THSD7B: variants seen among roughly 807,000 people sequenced by gnomAD.
The protein encoded by THSD7B is thrombospondin type-1 domain-containing protein 7B.
THSD7B carries 138 observed loss-of-function variants against 213.6 expected under a neutral mutation model. The observed-to-expected ratio is 0.65, with a 90% CI of 0.56 to 0.74. The LOEUF is 0.74. THSD7B is among the 30% of genes least tolerant of loss of function. The pLI is 0.00. For synonymous variants in THSD7B, 742 were observed against 687.0 expected, an observed-to-expected ratio of 1.08 and a Z score of -1.25; for missense variants, 1,931 against 1,991.5, an observed-to-expected ratio of 0.97 and a Z score of 0.58.
chr2:137,586,280 A>T (rs4396770), intron 17 of THSD7B, among the ~76,000 whole-genome samples: 33,773 of 151,908 alleles, frequency 0.22, 3,919 homozygotes, highest in Middle Eastern at 0.32. Flanking sequence ...GGGTCTTGAC[A>T]CTTTATCCAA....
chr2:137,160,171 T>G, intron 5 of THSD7B, 42 bp from the exon 6 acceptor site: 1 of 1,582,476 alleles, frequency 6.3e-7, no homozygotes, highest in South Asian at 1.2e-5. Flanking sequence ...GCTAAGGATG[T>G]CCAGAGAATG....
At chr2:137,493,100 A>G (rs1679464937) in intron 15 of THSD7B, among the ~76,000 whole-genome samples, 1 of 143,488 alleles carries the variant, frequency 7.0e-6, no homozygotes, top group South Asian at 2.4e-4. Flanking sequence ...CAGCCTGGGC[A>G]ACAGAGTGAC....
At chr2:137,045,689 G>T (rs1435737875) in intron 2 of THSD7B, among the ~76,000 whole-genome samples, 1 of 152,146 alleles carries the variant, frequency 6.6e-6, no homozygotes, top group African/African-American at 2.4e-5. Context: ...TTTACTTGTT[G>T]AGTGAGATTC....
At chr2:137,298,722 T>C (rs889883078) in intron 12 of THSD7B, among the ~76,000 whole-genome samples, 1 of 152,068 alleles carries the variant, frequency 6.6e-6, no homozygotes, top group Non-Finnish European at 1.5e-5. Context: ...CTTCAGAGGG[T>C]GGAAGCCCCA....
At chr2:137,073,293 T>G (rs1257610501) in intron 3 of THSD7B, among the ~76,000 whole-genome samples, 1 of 152,162 alleles carries the variant, frequency 6.6e-6, no homozygotes, top group African/African-American at 2.4e-5. Flanking sequence ...CCTGTTATTG[T>G]TCTATTCAGA....
At chr2:137,472,180 A>ATAT (rs894108885) in intron 15 of THSD7B, among the ~76,000 whole-genome samples, 7 of 152,198 alleles carry the variant, frequency 4.6e-5, no homozygotes, top group Non-Finnish European at 8.8e-5. Context: ...TAATGCCAGA[A>ATAT]TATGAGATTT....
intron 12 of THSD7B, among the ~76,000 whole-genome samples, chr2:137,340,143 A>C (rs1391236196): frequency 6.6e-6 from 1 of 151,880 alleles, no homozygotes; most frequent in Non-Finnish European, 1.5e-5. Flanking sequence ...TCTTGAACTG[A>C]GATTCTACTT....
At chr2:136,776,712 A>G (rs547772090) in intron 1 of THSD7B, among the ~76,000 whole-genome samples, 9 of 152,284 alleles carry the variant, frequency 5.9e-5, no homozygotes, top group Admixed American at 5.2e-4. Flanking sequence ...TTCATCCCCA[A>G]AAACTGAAAG....
In THSD7B at chr2:137,190,123, C is replaced by T. The variant is rs560773472; in HGVS notation, c.1723+19185C>T. ...ATTAAGGCTTGGAAGGTCTAGATCA[C>T]TATGTAGGCTTCCGCTGGATGTGAC... On this transcript the variant is annotated intron_variant, in intron 7 of 27. Coordinates refer to ENST00000409968, the MANE Select transcript of THSD7B (RefSeq NM_001316349.2). Among the ~76,000 whole-genome samples the T allele has an allele frequency of 2.0e-5, 3 of 152,276 alleles. No individual in the cohort carries two copies. The South Asian group carries it at 6.2e-4, about 32-fold the overall frequency.
At chr2:137,190,442 T>C (rs936957853) in intron 7 of THSD7B, among the ~76,000 whole-genome samples, 1 of 152,164 alleles carries the variant, frequency 6.6e-6, no homozygotes, top group Non-Finnish European at 1.5e-5. Flanking sequence ...CCGAGGTGTC[T>C]CTGAGGAGGG....
intron 2 of THSD7B, among the ~76,000 whole-genome samples, chr2:136,884,212 T>C (rs1683676653): frequency 6.6e-6 from 1 of 152,180 alleles, no homozygotes; most frequent in South Asian, 2.1e-4. Flanking sequence ...AAGAGTTTCA[T>C]AGAAGGACAT....
chr2:137,550,443 TA>T lies in THSD7B; in HGVS notation c.3139-12777del, dbSNP rs142042995. ...CACAATCAGAAATATAAATCTGCTA[TA>T]GGGGGAAATATAATATTCTGCATTA... On this transcript the variant is annotated intron_variant, in intron 15 of 27. Transcript: ENST00000409968. 2.7e-3 allele frequency among the ~76,000 whole-genome samples: 412 copies of T among 152,232 alleles called. 5 individuals are homozygous for T. Among genetic ancestry groups the T allele is most frequent in the African/African-American group, 9.6e-3 (397 of 41,558 alleles).
intron 12 of THSD7B, among the ~76,000 whole-genome samples, chr2:137,342,063 A>G (rs1490179800): frequency 6.6e-6 from 1 of 151,612 alleles, no homozygotes; most frequent in East Asian, 1.9e-4. Flanking sequence ...TAAAATTAGT[A>G]TTGAATTGGC....
At chr2:137,220,088 G>A (rs1236724008) in intron 7 of THSD7B, among the ~76,000 whole-genome samples, 8 of 152,052 alleles carry the variant, frequency 5.3e-5, no homozygotes, top group African/African-American at 1.9e-4. Context: ...TTTTTTGTGT[G>A]TGTGCATAGA....
intron 12 of THSD7B, among the ~76,000 whole-genome samples, chr2:137,304,052 T>C (rs766235886): frequency 3.4e-4 from 52 of 151,374 alleles, no homozygotes; most frequent in Non-Finnish European, 5.9e-4. Context: ...GGAGAACATG[T>C]GGTGTTTGGT....
rs867031975 is a variant in THSD7B, at chr2:137,344,827, C to T, written c.2501-60786C>T. 6.6e-5 allele frequency among the ~76,000 whole-genome samples: 10 copies of T among 151,626 alleles called. No individual in the cohort carries two copies. In the South Asian group the frequency reaches 8.3e-4, roughly 13 times the overall value. ...CAGAACAGAAACAAATAGGCTGGCCCTTGCATATCCTCTGCATTCCCACCT... is the reference window on the plus strand; with the variant it reads ...CAGAACAGAAACAAATAGGCTGGCCTTTGCATATCCTCTGCATTCCCACCT... On this transcript the variant is annotated intron_variant, in intron 12 of 27. Coordinates refer to ENST00000409968, the MANE Select transcript of THSD7B (RefSeq NM_001316349.2).
At chr2:137,336,857 A>G (rs1684649723) in intron 12 of THSD7B, among the ~76,000 whole-genome samples, 1 of 152,104 alleles carries the variant, frequency 6.6e-6, no homozygotes, top group Admixed American at 6.6e-5. Flanking sequence ...TCAAGAATAT[A>G]ATGAAGCAAC....
chr2:137,291,297 C>T (rs1683331983), intron 12 of THSD7B, among the ~76,000 whole-genome samples: 1 of 152,210 alleles, frequency 6.6e-6, no homozygotes, highest in East Asian at 1.9e-4. Context: ...GTATACACTC[C>T]CTTCTTACTT....
In THSD7B at chr2:137,056,529, G is replaced by A. The variant is rs1687165600; in HGVS notation, c.249G>A (p.Glu83=). ...CAAGTCACCTGTCTAACTGTGGTGA[G>A]AGCAACAGGCCTCCAAAGGAAAGAA... The part of the protein sequence containing the change: ...GWTSHLSNCG[E]SNRPPKERSC... Residue 83 remains glutamate, a synonymous_variant, in exon 3 of 28, where the codon GAG becomes GAA. Transcript: ENST00000409968. The A allele has an allele frequency of 1.2e-6, 2 of 1,613,962 alleles. No homozygotes were observed. Among genetic ancestry groups the A allele is most frequent in the Non-Finnish European group, 1.7e-6 (2 of 1,179,884 alleles).
Sources: gnomAD v4.1 joint callset for allele counts (sites outside exome capture counted in the v4.1 genomes callset) on GRCh38, gnomAD v4.1.1 for gene constraint, MANE v1.5 for transcripts, NCBI Gene and HGNC (gene_info 2026-07-23, HGNC 2026-07-21) for gene names.